The following SPPL3 variants were observed in gnomAD, a reference collection of about 807,000 sequenced individuals.
SPPL3 encodes the protein signal peptide peptidase-like 3.
SPPL3 carries 5 observed loss-of-function variants against 42.4 expected under a neutral mutation model. The ratio of observed to expected loss-of-function variants is 0.12; its 90% CI spans 0.06 to 0.25. The LOEUF is 0.25. Ranked by LOEUF, SPPL3 falls within the 10% of genes least tolerant of loss-of-function variation. SPPL3 has a pLI of 1.00. For missense variants in SPPL3, 235 were observed against 489.0 expected, an observed-to-expected ratio of 0.48 and a Z score of 4.90; for synonymous variants, 195 against 181.8, an observed-to-expected ratio of 1.07 and a Z score of -0.58.
intron 1 of SPPL3, among the ~76,000 whole-genome samples, chr12:120,855,348 T>G (rs1434329579): frequency 6.6e-6 from 1 of 152,160 alleles, no homozygotes; most frequent in African/African-American, 2.4e-5. Flanking sequence ...CCTGGCTATT[T>G]AGCACTATGA....
chr12:120,773,786 T>C (rs926901886), intron 6 of SPPL3, among the ~76,000 whole-genome samples: 7 of 152,202 alleles, frequency 4.6e-5, no homozygotes, highest in Non-Finnish European at 7.3e-5. Flanking sequence ...GCATTTTTAA[T>C]AGAGATGGGG....
At chr12:120,867,746 A>T (rs1009439097) in intron 1 of SPPL3, among the ~76,000 whole-genome samples, 2 of 27,644 alleles carry the variant, frequency 7.2e-5, no homozygotes, top group African/African-American at 1.1e-4. Flanking sequence ...TTCATGTATT[A>T]AAAAAAAATT....
At chr12:120,809,606 T>C (rs1421382906) in intron 2 of SPPL3, among the ~76,000 whole-genome samples, 1 of 152,178 alleles carries the variant, frequency 6.6e-6, no homozygotes, top group Non-Finnish European at 1.5e-5. Context: ...ACTAAACTAT[T>C]TGAGTTATAC....
chr12:120,830,599 G>A (rs921627504), intron 1 of SPPL3, among the ~76,000 whole-genome samples: 1 of 139,932 alleles, frequency 7.1e-6, no homozygotes, highest in African/African-American at 2.6e-5. Context: ...GAGAGAGAGA[G>A]AGAGAGAAGG....
intron 1 of SPPL3, among the ~76,000 whole-genome samples, chr12:120,813,239 C>T (rs1394583787): frequency 2.0e-5 from 3 of 150,834 alleles, no homozygotes; most frequent in Admixed American, 6.6e-5. Flanking sequence ...TTCCTTTAAT[C>T]GTTGTAAAAA....
chr12:120,783,898 A>ACTTT (rs1476727774), intron 4 of SPPL3, 146 bp from the exon 5 acceptor site: 2 of 604,020 alleles, frequency 3.3e-6, no homozygotes, highest in Non-Finnish European at 5.6e-6. Flanking sequence ...ACTGCACAAA[A>ACTTT]AATCTCTTCA....
intron 1 of SPPL3, among the ~76,000 whole-genome samples, chr12:120,812,953 G>A (rs1164473218): frequency 2.0e-5 from 3 of 152,314 alleles, no homozygotes; most frequent in African/African-American, 7.2e-5. Flanking sequence ...GAATGCTGCT[G>A]AGAGGTCAAG....
intron 1 of SPPL3, among the ~76,000 whole-genome samples, chr12:120,819,456 T>C (rs1484996283): frequency 6.6e-6 from 1 of 152,210 alleles, no homozygotes; most frequent in Non-Finnish European, 1.5e-5. Flanking sequence ...TTTTCAAAAA[T>C]TCTATTTTCA....
At chr12:120,868,733 G>T (rs545970793) in intron 1 of SPPL3, among the ~76,000 whole-genome samples, 116 of 152,260 alleles carry the variant, frequency 7.6e-4, no homozygotes, top group Non-Finnish European at 1.5e-3. Flanking sequence ...ACCCACCTCG[G>T]CCTCCCAAAG....
At chr12:120,890,806 G>A (rs192167242) in intron 1 of SPPL3, among the ~76,000 whole-genome samples, 104 of 152,162 alleles carry the variant, frequency 6.8e-4, no homozygotes, top group African/African-American at 2.5e-3. Context: ...CACAAACACG[G>A]AGCGAAAAGT....
rs574099881 is a variant in SPPL3 at position 120,882,386 on chromosome 12, G to A, written c.23+21459C>T. ...ATGTGCATGTACTTAATGCCACTGA[G>A]TTCAGTGACACTTAAAATGGTCAAT... is the stretch of plus-strand genomic sequence containing the variant. On this transcript the variant is annotated intron_variant, in intron 1 of 10. Transcript: ENST00000353487. 3.3e-5 allele frequency among the ~76,000 whole-genome samples: 5 copies of A among 152,204 alleles called. No individual in the cohort carries two copies. In the East Asian group the frequency reaches 9.6e-4, roughly 29 times the overall value.
chr12:120,787,953 C>T (rs1008610415), intron 3 of SPPL3, among the ~76,000 whole-genome samples: 6 of 152,178 alleles, frequency 3.9e-5, no homozygotes, highest in African/African-American at 1.4e-4. Flanking sequence ...TTGGTTATTA[C>T]AAATGCTGCT....
intron 1 of SPPL3, among the ~76,000 whole-genome samples, chr12:120,894,312 G>A (rs1212964233): frequency 6.6e-6 from 1 of 152,002 alleles, no homozygotes. Flanking sequence ...CAACAAGACC[G>A]AAACTCCATC....
chr12:120,880,679 C>T (rs1350175395), intron 1 of SPPL3, among the ~76,000 whole-genome samples: 2 of 151,660 alleles, frequency 1.3e-5, no homozygotes, highest in Admixed American at 6.6e-5. Context: ...CCCAGCTACT[C>T]GGGAGGCTGA....
At chr12:120,777,677 G>A (rs1305554107) in intron 6 of SPPL3, among the ~76,000 whole-genome samples, 2 of 152,172 alleles carry the variant, frequency 1.3e-5, no homozygotes, top group Non-Finnish European at 2.9e-5. Flanking sequence ...CTGAAGTATC[G>A]TAACACAAAT....
intron 1 of SPPL3, among the ~76,000 whole-genome samples, chr12:120,891,516 G>A (rs1873639532): frequency 6.6e-6 from 1 of 151,682 alleles, no homozygotes; most frequent in African/African-American, 2.4e-5. Flanking sequence ...AGAAAAAAAC[G>A]GCAAAATAAG....
intron 1 of SPPL3, among the ~76,000 whole-genome samples, chr12:120,885,849 CTTTTTTT>C (rs142907503): frequency 1.3e-4 from 16 of 121,596 alleles, no homozygotes; most frequent in South Asian, 5.3e-4. Context: ...AACATTAAAA[CTTTTTTT>C]TTTTTTTTTT....
chr12:120,884,304 A>G (rs1431231791), intron 1 of SPPL3, among the ~76,000 whole-genome samples: 1 of 152,140 alleles, frequency 6.6e-6, no homozygotes, highest in Non-Finnish European at 1.5e-5. Context: ...ATGAGCGTTC[A>G]TTATGCTACA....
intron 1 of SPPL3, among the ~76,000 whole-genome samples, chr12:120,837,759 T>C (rs1165216539): frequency 6.6e-6 from 1 of 152,212 alleles, no homozygotes; most frequent in Admixed American, 6.5e-5. Flanking sequence ...TCTCTCCCTT[T>C]TTGGTAAAAT....
Sources: allele counts gnomAD v4.1 joint callset (sites outside exome capture counted in the v4.1 genomes callset), GRCh38; gene constraint gnomAD v4.1.1; transcripts MANE v1.5; gene names NCBI Gene and HGNC (gene_info 2026-07-23, HGNC 2026-07-21).